SORBS3: variants seen among roughly 807,000 people sequenced by gnomAD.
SORBS3 encodes sorbin and SH3 domain containing 3, also known as vinexin.
A neutral mutation model predicts 98.0 loss-of-function variants in SORBS3; 69 were observed. That is an observed-to-expected ratio of 0.70 (90% confidence interval 0.58 to 0.86). The LOEUF (loss-of-function observed/expected upper bound fraction) is 0.86. Ranked by LOEUF, SORBS3 falls within the 40% of genes least tolerant of loss-of-function variation. The pLI is 0.00. For missense variants in SORBS3, 954 were observed against 908.5 expected (o/e 1.05, Z -0.64); for synonymous variants, 394 against 355.4 (o/e 1.11, Z -1.22).
chr8:22,546,225 T>C (rs1840014519), intron 1 of SORBS3, among the ~76,000 whole-genome samples: 1 of 152,206 alleles, frequency 6.6e-6, no homozygotes, highest in African/African-American at 2.4e-5. Flanking sequence ...AATCTTAAGA[T>C]TTAAAAAAAG....
Position 22,572,337 on chromosome 8 carries a change from C to T in SORBS3, c.1848-3C>T. On this transcript the variant is annotated splice_region_variant and splice_polypyrimidine_tract_variant and intron_variant, in intron 19 of 20. Coordinates refer to ENST00000240123, the MANE Select transcript of SORBS3 (RefSeq NM_005775.5). The stretch of plus-strand genomic sequence containing the variant: ...TCTGGTTGCCATGATACGCTTCTCG[C>T]AGGTACCGGGCGATGTACCAGTACA... The T allele has an allele frequency of 6.2e-7, 1 of 1,613,292 alleles. No individual in the cohort carries two copies. Among genetic ancestry groups the T allele is most frequent in the South Asian group, 1.1e-5 (1 of 91,076 alleles).
intron 15 of SORBS3, 56 bp downstream of exon 15, chr8:22,566,924 G>A: frequency 1.3e-6 from 2 of 1,583,780 alleles, no homozygotes; most frequent in Non-Finnish European, 1.7e-6. Context: ...CCATCCCAGA[G>A]GGGGATGGGG....
chr8:22,562,736 A>G (rs2117249370), intron 7 of SORBS3, among the ~76,000 whole-genome samples: 1 of 152,354 alleles, frequency 6.6e-6, no homozygotes, highest in Non-Finnish European at 1.5e-5. Flanking sequence ...GGTAATGCCC[A>G]GAGGGTTCAG....
At chr8:22,572,116 A>G (rs1013998883) in intron 19 of SORBS3, among the ~76,000 whole-genome samples, 1 of 152,202 alleles carries the variant, frequency 6.6e-6, no homozygotes, top group African/African-American at 2.4e-5. Flanking sequence ...ATGGACAGGA[A>G]GGCACCAGGT....
chr8:22,566,111 C>A, intron 12 of SORBS3: 1 of 577,354 alleles, frequency 1.7e-6, no homozygotes, highest in Non-Finnish European at 2.6e-6. Flanking sequence ...GGGCGCAGCG[C>A]GGTTAGGGCG....
intron 6 of SORBS3, 73 bp from the exon 7 acceptor site, chr8:22,561,792 C>A: frequency 7.5e-7 from 1 of 1,340,164 alleles, no homozygotes; most frequent in South Asian, 1.2e-5. Flanking sequence ...AATAATCACC[C>A]AGGCACCCTC....
rs532333004 is a variant in SORBS3 at position 22,552,585 on chromosome 8, T to TGACTACGGGTCGTGGGG, written c.-56+567_-56+583dup. On this transcript the variant is annotated intron_variant, in intron 1 of 20. Transcript: ENST00000240123. ...GGGGGCACCAAGGGTAAGCAACCTC[T>TGACTACGGGTCGTGGGG]GACTACGGGTCGTGGGGGACCTCCT... Among the ~76,000 whole-genome samples, 21 of 151,714 alleles carry TGACTACGGGTCGTGGGG rather than the reference T, an allele frequency of 1.4e-4. No individual in the cohort carries two copies. The East Asian group carries it at 3.5e-3, about 25-fold the overall frequency.
At chr8:22,557,031 AG>A (rs986580269) in intron 4 of SORBS3, 123 bp downstream of exon 4, 7 of 1,132,998 alleles carry the variant, frequency 6.2e-6, no homozygotes, top group African/African-American at 1.5e-5. Context: ...CAGATTAAGC[AG>A]GGGTTCAACC....
rs1358515329 is a variant in SORBS3, at chr8:22,561,894, C to A, written c.547C>A (p.Pro183Thr). The A allele has an allele frequency of 9.3e-6, 15 of 1,614,114 alleles. No individual in the cohort carries two copies. The highest frequency in any genetic ancestry group is 1.2e-5 in the Non-Finnish European group (14 of 1,180,036). Residue 183 changes from proline to threonine, a missense_variant, in exon 7 of 21, where the codon CCT becomes ACT. Transcript: ENST00000240123. Reference sequence around the variant, plus strand: ...CAGGCATCTAGGAGCCCAGCAAAGACCTGCCCACAGGCCCGGCCCGGCAAC... The same window carrying A: ...CAGGCATCTAGGAGCCCAGCAAAGAACTGCCCACAGGCCCGGCCCGGCAAC... ...DPRHLGAQQR[P>T]AHRPGPATSS...
Position 22,565,846 on chromosome 8 carries a change from G to A in SORBS3, c.924G>A (p.Arg308=). ...PSPKSSPAPR[R]APEQRPPAGP... ...CGCAGAGCTCGCCGGCGCCCCGACG[G>A]GCCCCGGAGCAGCGGCCCCCGGCCG... The change falls in exon 12 of 21, where the codon CGG becomes CGA. Residue 308 remains arginine, a synonymous_variant. Transcript: ENST00000240123. 10 of 1,292,742 alleles carry A rather than the reference G, an allele frequency of 7.7e-6. No individual in the cohort carries two copies. Among genetic ancestry groups the A allele is most frequent in the Non-Finnish European group, 9.8e-6 (10 of 1,018,320 alleles). The allele number at this position is 1,292,742 out of a possible 1,614,324, so 80.1% of individuals were successfully genotyped here.
Position 22,574,653 on chromosome 8 carries a change from C to A in SORBS3, c.1955-14C>A. On this transcript the variant is annotated splice_polypyrimidine_tract_variant and intron_variant, in intron 20 of 20. Transcript: ENST00000240123. ...AGGGAGTGGGGAAAGCTCTTCCTGC[C>A]TTTCCTCTTTCAGGTGTCTCCCGGA... The A allele has an allele frequency of 6.2e-7, 1 of 1,612,742 alleles. No individual in the cohort carries two copies. The highest frequency in any genetic ancestry group is 1.1e-5 in the South Asian group (1 of 91,070).
At chr8:22,566,786 A>T (rs144774129) in intron 14 of SORBS3, 36 bp from the exon 15 acceptor site, 1 of 1,613,950 alleles carries the variant, frequency 6.2e-7, no homozygotes, top group East Asian at 2.2e-5. Context: ...CACCCGCCCA[A>T]CTGAGAGAGC....
intron 19 of SORBS3, 113 bp downstream of exon 19, chr8:22,571,934 A>C (rs1840598271): frequency 1.3e-6 from 1 of 770,750 alleles, no homozygotes; most frequent in Admixed American, 2.1e-5. Flanking sequence ...AACTTCTACC[A>C]GGTAGCCCTT....
rs1242092325 is a variant in SORBS3, at chr8:22,564,516, A to C, written c.811A>C (p.Ile271Leu). Residue 271 changes from isoleucine (I) to leucine (L), a missense_variant, in exon 10 of 21, where the codon ATT becomes CTT. Physicochemically the swap from Ile to Leu is conservative, Grantham distance 5. Transcript: ENST00000240123. ...DDPGEKPSQP[I>L]EVLLERELAE... ...CCCTGGTGAGAAGCCCTCCCAGCCCATTGAGGTGAGTGCTGCAGGGTGCTG... is the reference window on the plus strand; with the variant it reads ...CCCTGGTGAGAAGCCCTCCCAGCCCCTTGAGGTGAGTGCTGCAGGGTGCTG... 1 of 1,613,968 alleles carries C rather than the reference A, an allele frequency of 6.2e-7. No individual in the cohort carries two copies. The highest frequency in any genetic ancestry group is 1.7e-5 in the Admixed American group (1 of 60,002).
At chr8:22,569,995 G>T (rs1441415492) in intron 17 of SORBS3, among the ~76,000 whole-genome samples, 1 of 152,178 alleles carries the variant, frequency 6.6e-6, no homozygotes, top group Non-Finnish European at 1.5e-5. Flanking sequence ...TTATCATACC[G>T]TAGGCAGTTC....
Position 22,566,859 on chromosome 8 carries a change from A to T in SORBS3, c.1181A>T (p.Gln394Leu). The change falls in exon 15 of 21, where the codon CAG becomes CTG. Residue 394 changes from glutamine to leucine, a missense_variant. By Grantham distance (113) the Gln-to-Leu change is moderately radical. Coordinates refer to ENST00000240123, the MANE Select transcript of SORBS3 (RefSeq NM_005775.5). ...AARLKFDFQAQSPKELTLQKG... is the reference protein window; with the variant it reads ...AARLKFDFQALSPKELTLQKG... ...AGGCTCAAGTTTGACTTCCAGGCGC[A>T]GTCCCCCAAGTAAGCGCCCTCCTCC... The T allele has an allele frequency of 3.1e-6, 5 of 1,611,740 alleles. No individual in the cohort carries two copies. Among genetic ancestry groups the T allele is most frequent in the Non-Finnish European group, 4.2e-6 (5 of 1,178,954 alleles).
At chr8:22,551,287 G>A (rs1840075963), upstream of SORBS3, among the ~76,000 whole-genome samples, 3 of 145,926 alleles carry the variant, frequency 2.1e-5, no homozygotes, top group Admixed American at 6.8e-5. This position sits in a 1 kb window ranked among gnomAD's most constrained non-coding sequence, Gnocchi z 5.8. Flanking sequence ...GCGCGCCGCC[G>A]CAGGCACACC....
intron 5 of SORBS3, chr8:22,560,984 G>A (rs985441690): frequency 8.0e-6 from 2 of 251,188 alleles, no homozygotes; most frequent in African/African-American, 4.5e-5. Context: ...AATGGGGAAG[G>A]AAAGCGTTTG....
intron 1 of SORBS3, among the ~76,000 whole-genome samples, chr8:22,546,207 T>A (rs1840014296): frequency 6.6e-6 from 1 of 152,224 alleles, no homozygotes; most frequent in Admixed American, 6.5e-5. Context: ...GTACTATAAA[T>A]TAGAGGTAAT....
Sources: gnomAD v4.1 joint callset for allele counts (sites outside exome capture counted in the v4.1 genomes callset) on GRCh38, gnomAD v4.1.1 for gene constraint, Gnocchi (gnomAD v3.1) non-coding constraint, MANE v1.5 for transcripts, NCBI Gene and HGNC (gene_info 2026-07-23, HGNC 2026-07-21) for gene names.